Variants in PUM3 observed in about 807,000 individuals in gnomAD.
PUM3 encodes pumilio RNA binding family member 3.
Under a neutral mutation model 84.0 loss-of-function variants are expected in PUM3, and 91 were observed. The ratio of observed to expected loss-of-function variants is 1.08; its 90% confidence interval spans 0.91 to 1.29. PUM3 has a LOEUF of 1.29. Among genes scored for constraint, PUM3 ranks in the 50% most tolerant of loss-of-function variants. The pLI, the probability that PUM3 is intolerant of heterozygous loss-of-function variation, is 0.00. For synonymous variants in PUM3, 321 were observed against 266.7 expected, an observed-to-expected ratio of 1.20 and a Z score of -1.98; for missense variants, 1,067 against 767.5, an observed-to-expected ratio of 1.39 and a Z score of -4.61.
chr9:2,834,010 G>C (rs753653743), intron 4 of PUM3, 21 bp downstream of exon 4: 18 of 1,609,808 alleles, frequency 1.1e-5, no homozygotes, highest in East Asian at 2.2e-5. Flanking sequence ...GACTAACAAA[G>C]GCATCTTTAG....
In PUM3 at chr9:2,822,455, C is replaced by G. The variant is rs568472278; in HGVS notation, c.1188+1326G>C. 2.4e-4 allele frequency among the ~76,000 whole-genome samples: 37 copies of G among 151,822 alleles called. 1 individual carries two copies. Among genetic ancestry groups the G allele is most frequent in the Non-Finnish European group, 2.1e-4 (14 of 67,844 alleles). ...ATCCATGGATCAAATCCATGGGTAACGTTAGCTTATCACCCCTTTAGAAGT... is the reference window on the plus strand; with the variant it reads ...ATCCATGGATCAAATCCATGGGTAAGGTTAGCTTATCACCCCTTTAGAAGT... On this transcript the variant is annotated intron_variant, in intron 12 of 17. Coordinates refer to ENST00000397885, the MANE Select transcript of PUM3 (RefSeq NM_014878.5).
chr9:2,831,071 C>G (rs1815965238), intron 6 of PUM3, 43 bp from the exon 7 acceptor site: 2 of 1,113,292 alleles, frequency 1.8e-6, no homozygotes, highest in Non-Finnish European at 2.7e-6. Flanking sequence ...GATCTCATTT[C>G]AGTTCTCTGG....
At chr9:2,808,940 C>T (rs1302729495) in intron 16 of PUM3, among the ~76,000 whole-genome samples, 1 of 152,092 alleles carries the variant, frequency 6.6e-6, no homozygotes, top group African/African-American at 2.4e-5. Flanking sequence ...TCTTGGGATG[C>T]TCACTCTTAA....
intron 5 of PUM3, among the ~76,000 whole-genome samples, chr9:2,832,649 G>C (rs1349659418): frequency 2.0e-5 from 3 of 152,192 alleles, no homozygotes; most frequent in Non-Finnish European, 4.4e-5. Context: ...TCGGAGCTGA[G>C]GGGGCAGTCC....
chr9:2,811,576 C>G lies in PUM3; in HGVS notation c.1420G>C (p.Asp474His). ...KGDGNAHSKK[D>H]TEVRRRELLE... is the part of the protein sequence containing the mutation. ...AGCTCCCGTCTGCGGACCTCTGTAT[C>G]TTTCTTACTGTTGAGTATGTTGAAC... The change falls in exon 15 of 18, where the codon GAT becomes CAT. Residue 474 changes from aspartate to histidine, a missense_variant. By Grantham distance (81) the Asp-to-His change is moderately conservative (BLOSUM62 -1). Coordinates refer to ENST00000397885, the MANE Select transcript of PUM3 (RefSeq NM_014878.5). 2 of 1,613,200 alleles carry G rather than the reference C, an allele frequency of 1.2e-6. No individual in the cohort carries two copies. Among genetic ancestry groups the G allele is most frequent in the Non-Finnish European group, 8.5e-7 (1 of 1,179,312 alleles).
At chr9:2,823,235 G>C (rs1563830403) in intron 12 of PUM3, among the ~76,000 whole-genome samples, 1 of 151,794 alleles carries the variant, frequency 6.6e-6, no homozygotes, top group Non-Finnish European at 1.5e-5. Flanking sequence ...AAAAACTTTT[G>C]TACCTATGAA....
Position 2,823,829 on chromosome 9 carries a change from C to T in PUM3, c.1140G>A (p.Arg380=). The change falls in exon 12 of 18, where the codon AGG becomes AGA. Residue 380 remains arginine, a synonymous_variant. Coordinates refer to ENST00000397885, the MANE Select transcript of PUM3 (RefSeq NM_014878.5). The part of the protein sequence containing the change: ...HCLWHGTPKD[R]KVIVKTMKTY... ...TCTTCATTGTTTTCACAATCACTTT[C>T]CTGTCCTTAAAAAGGAAAGATTGTC... 6.5e-7 allele frequency: 1 copy of T among 1,528,744 alleles called. No individual in the cohort carries two copies. Among genetic ancestry groups the T allele is most frequent in the Non-Finnish European group, 8.9e-7 (1 of 1,121,568 alleles). The allele number at this position is 1,528,744 out of a possible 1,614,324, so 94.7% of individuals were successfully genotyped here.
intron 3 of PUM3, among the ~76,000 whole-genome samples, chr9:2,835,291 G>T (rs934288698): frequency 1.3e-5 from 2 of 152,124 alleles, no homozygotes; most frequent in East Asian, 3.9e-4. Context: ...GGTGGTACAT[G>T]CCTGCAGTCC....
At chr9:2,812,513 G>A in intron 13 of PUM3, 151 bp from the exon 14 acceptor site, 1 of 569,796 alleles carries the variant, frequency 1.8e-6, no homozygotes, top group East Asian at 3.0e-5. Context: ...GCCAAAGTGA[G>A]CACAATGTCC....
At chr9:2,841,819 T>A (rs1278922249) in intron 1 of PUM3, among the ~76,000 whole-genome samples, 1 of 152,144 alleles carries the variant, frequency 6.6e-6, no homozygotes, top group Admixed American at 6.5e-5. Flanking sequence ...ACAGCCTGCA[T>A]TCCATCCCCA....
Position 2,831,254 on chromosome 9 carries a change from G to T in PUM3, c.607C>A (p.Arg203=), listed in dbSNP as rs375052256. 2.5e-6 allele frequency: 4 copies of T among 1,569,828 alleles called. No homozygotes were observed. Among genetic ancestry groups the T allele is most frequent in the Middle Eastern group, 1.7e-4 (1 of 5,980 alleles). ...EQRKQAFEEL[R]DDLVELSKAK... ...ATCTTTAGTATGTAATAAATACCTCGCAATTCTTCAAAAGCCTGTTTTCTC... is the reference window on the plus strand; with the variant it reads ...ATCTTTAGTATGTAATAAATACCTCTCAATTCTTCAAAAGCCTGTTTTCTC... The change falls in exon 6 of 18, where the codon CGA becomes AGA. Residue 203 remains arginine (R), a synonymous_variant. Transcript: ENST00000397885.
chr9:2,835,401 C>T (rs1299708609), intron 3 of PUM3, among the ~76,000 whole-genome samples: 1 of 152,064 alleles, frequency 6.6e-6, no homozygotes, highest in Non-Finnish European at 1.5e-5. Flanking sequence ...GTCTGGGCAA[C>T]AAAGTGAGAC....
chr9:2,831,289 T>C lies in PUM3; in HGVS notation c.572A>G (p.Asn191Ser). ...AAAAGCCTGTTTTCTCTGTTCTTCA[T>C]TACCATACTGAATGTAACACTGGAT... ...RVIQCYIQYG[N>S]EEQRKQAFEE... The change falls in exon 6 of 18, where the codon AAT becomes AGT. Residue 191 changes from asparagine to serine, a missense_variant. By Grantham distance (46) the Asn-to-Ser change is conservative. Coordinates refer to ENST00000397885, the MANE Select transcript of PUM3 (RefSeq NM_014878.5). 1.9e-6 allele frequency: 3 copies of C among 1,610,188 alleles called. No homozygotes were observed. Among genetic ancestry groups the C allele is most frequent in the South Asian group, 2.2e-5 (2 of 90,106 alleles).
At chr9:2,826,608 G>T (rs558660369) in intron 10 of PUM3, among the ~76,000 whole-genome samples, 1 of 152,192 alleles carries the variant, frequency 6.6e-6, no homozygotes, top group Non-Finnish European at 1.5e-5. Context: ...TGACTGACTT[G>T]AAGGGCAGTG....
chr9:2,838,002 T>G (rs990550542), intron 2 of PUM3, among the ~76,000 whole-genome samples: 3 of 152,206 alleles, frequency 2.0e-5, no homozygotes, highest in Non-Finnish European at 4.4e-5. Flanking sequence ...GAAACATTAA[T>G]CATTTGTATA....
At chr9:2,832,651 G>T (rs73377862) in intron 5 of PUM3, among the ~76,000 whole-genome samples, 401 of 152,266 alleles carry the variant, frequency 2.6e-3, no homozygotes, top group African/African-American at 9.3e-3. Flanking sequence ...GGAGCTGAGG[G>T]GGCAGTCCTA....
chr9:2,837,329 T>C lies in PUM3; in HGVS notation c.155A>G (p.Asn52Ser), dbSNP rs1181934892. 1 of 1,614,094 alleles carries C rather than the reference T, an allele frequency of 6.2e-7. No individual in the cohort carries two copies. Among genetic ancestry groups the C allele is most frequent in the Admixed American group, 1.7e-5 (1 of 60,016 alleles). ...KEGGPKVTSR[N>S]FEKSITKLGK... ...AAGTTTTGTGATACTTTTCTCAAAG[T>C]TCCTAGATGTGACTTTAGGTCCACC... Residue 52 changes from asparagine to serine, a missense_variant, in exon 3 of 18, where the codon AAC becomes AGC. Physicochemically the swap from Asn to Ser is conservative, Grantham distance 46. Transcript: ENST00000397885.
chr9:2,821,443 C>CAAAAAAAAAAAAAAAAAAAAAA lies in PUM3; in HGVS notation c.1189-1346_1189-1345insTTTTTTTTTTTTTTTTTTTTTT, dbSNP rs572752267. Among the ~76,000 whole-genome samples, 57 of 50,086 alleles carry CAAAAAAAAAAAAAAAAAAAAAA rather than the reference C, an allele frequency of 1.1e-3. 2 individuals are homozygous for CAAAAAAAAAAAAAAAAAAAAAA. The highest frequency in any genetic ancestry group is 2.4e-3 in the African/African-American group (30 of 12,422). The allele number at this position is 50,086 out of a possible 152,430, so 32.9% of individuals were successfully genotyped here. ...TGGGCGACAGAGCAAGACTCTGTCTCAAAAAAAAAAAAAAAAAAAGAACAT... is the reference window on the plus strand; with the variant it reads ...TGGGCGACAGAGCAAGACTCTGTCTCAAAAAAAAAAAAAAAAAAAAAAAAAAAAAAAAAAAAAAAAAGAACAT... On this transcript the variant is annotated intron_variant, in intron 12 of 17. Transcript: ENST00000397885.
intron 12 of PUM3, among the ~76,000 whole-genome samples, chr9:2,820,848 T>C (rs1412047007): frequency 6.6e-6 from 1 of 152,208 alleles, no homozygotes; most frequent in Non-Finnish European, 1.5e-5. Context: ...TCCATGATGC[T>C]AATACTGTTC....
Sources: allele counts gnomAD v4.1 joint callset (sites outside exome capture counted in the v4.1 genomes callset), GRCh38; gene constraint gnomAD v4.1.1; transcripts MANE v1.5; gene names NCBI Gene and HGNC (gene_info 2026-07-23, HGNC 2026-07-21).